Variants in LOC400499 observed in about 807,000 individuals in gnomAD.
At chr16:11,418,558 C>T in the LOC400499 span, among the ~76,000 whole-genome samples, 2 of 152,164 alleles carry the variant, frequency 1.3e-5, no homozygotes, top group Non-Finnish European at 2.9e-5. Flanking sequence ...CGTGAATAAT[C>T]CACCCCTTGT....
the LOC400499 span, chr16:11,508,741 C>T: frequency 5.0e-6 from 2 of 399,114 alleles, no homozygotes; most frequent in Admixed American, 4.4e-5. Context: ...CTGAGCCAGG[C>T]ACAGCCTCCT....
the LOC400499 span, chr16:11,417,557 C>A: frequency 4.0e-5 from 16 of 398,186 alleles, no homozygotes; most frequent in Non-Finnish European, 4.4e-6. Flanking sequence ...TGGGTCCAGG[C>A]CTGAGGCTGC....
the LOC400499 span, among the ~76,000 whole-genome samples, chr16:11,466,930 T>G: frequency 6.6e-6 from 1 of 150,408 alleles, no homozygotes; most frequent in African/African-American, 2.5e-5. Flanking sequence ...ATTGTGTGTG[T>G]GTGTGTGTAT....
the LOC400499 span, among the ~76,000 whole-genome samples, chr16:11,484,675 T>G: frequency 6.6e-6 from 1 of 152,130 alleles, no homozygotes; most frequent in Non-Finnish European, 1.5e-5. Flanking sequence ...GACTTTTCCA[T>G]GCATAGGATC....
the LOC400499 span, among the ~76,000 whole-genome samples, chr16:11,383,224 C>G: frequency 1.3e-5 from 2 of 151,858 alleles, no homozygotes; most frequent in African/African-American, 4.9e-5. Context: ...CGCAACCATG[C>G]CCGGCTAATT....
At chr16:11,396,516 G>C in the LOC400499 span, 4 of 1,232,100 alleles carry the variant, frequency 3.2e-6, no homozygotes, top group African/African-American at 6.2e-5. Flanking sequence ...CTGACCTCCA[G>C]TGCCCCGGAG....
chr16:11,457,135 G>A, the LOC400499 span: 1 of 1,155,178 alleles, frequency 8.7e-7, no homozygotes, highest in Non-Finnish European at 1.2e-6. Context: ...AGCCAAGATT[G>A]CACTACTGCA....
the LOC400499 span, among the ~76,000 whole-genome samples, chr16:11,506,773 C>A: frequency 1.2e-3 from 187 of 152,268 alleles, no homozygotes; most frequent in African/African-American, 4.4e-3. Flanking sequence ...GAAAAACAAA[C>A]CTTGTCTCCT....
the LOC400499 span, chr16:11,435,584 T>C: frequency 2.5e-6 from 1 of 398,754 alleles, no homozygotes. Flanking sequence ...TGAGTGAGGA[T>C]CTCCCATATC....
chr16:11,424,216 C>T, the LOC400499 span: 5 of 399,148 alleles, frequency 1.3e-5, no homozygotes, highest in African/African-American at 4.1e-5. Context: ...CCCGAGGACT[C>T]GGGGGTCACG....
the LOC400499 span, among the ~76,000 whole-genome samples, chr16:11,506,307 G>A: frequency 6.6e-6 from 1 of 152,208 alleles, no homozygotes; most frequent in African/African-American, 2.4e-5. Flanking sequence ...TTATAGGCAT[G>A]AGCCACTGAG....
At chr16:11,444,918 C>A in the LOC400499 span, among the ~76,000 whole-genome samples, 2 of 151,930 alleles carry the variant, frequency 1.3e-5, no homozygotes, top group Non-Finnish European at 2.9e-5. Flanking sequence ...TCTGTCTCTA[C>A]TAAAAATAAA....
the LOC400499 span, among the ~76,000 whole-genome samples, chr16:11,521,418 A>T: frequency 4.2e-4 from 64 of 152,312 alleles, no homozygotes; most frequent in African/African-American, 1.4e-3. Context: ...ATCTGCAACC[A>T]CCAAGTGGGC....
At chr16:11,468,414 T>G in the LOC400499 span, among the ~76,000 whole-genome samples, 3 of 151,736 alleles carry the variant, frequency 2.0e-5, no homozygotes, top group African/African-American at 7.3e-5. Flanking sequence ...GCCTTGACCT[T>G]CTGGGCTCCA....
the LOC400499 span, chr16:11,456,891 T>C: frequency 5.9e-6 from 9 of 1,536,190 alleles, no homozygotes; most frequent in Middle Eastern, 1.7e-4. Context: ...CCGAGATGTG[T>C]CCTTCCACTG....
the LOC400499 span, among the ~76,000 whole-genome samples, chr16:11,401,747 G>C: frequency 1.3e-5 from 2 of 152,226 alleles, no homozygotes; most frequent in Non-Finnish European, 2.9e-5. Context: ...CCCATTAATA[G>C]CGCCGAGCAG....
the LOC400499 span, among the ~76,000 whole-genome samples, chr16:11,382,682 C>G: frequency 6.6e-6 from 1 of 152,048 alleles, no homozygotes; most frequent in East Asian, 1.9e-4. Flanking sequence ...TGGTGGCTCC[C>G]GCCTGTCATT....
At chr16:11,388,051 G>A in the LOC400499 span, among the ~76,000 whole-genome samples, 1 of 152,146 alleles carries the variant, frequency 6.6e-6, no homozygotes, top group Non-Finnish European at 1.5e-5. Context: ...ATAGTGGGAA[G>A]ACAAACATCT....
At chr16:11,446,824 T>G in the LOC400499 span, 1 of 1,536,074 alleles carries the variant, frequency 6.5e-7, no homozygotes, top group Non-Finnish European at 8.7e-7. Flanking sequence ...AACCCTAGTC[T>G]CCAGGGAATA....
Sources: allele counts gnomAD v4.1 joint callset (sites outside exome capture counted in the v4.1 genomes callset), GRCh38; gene constraint gnomAD v4.1.1; transcripts MANE v1.5.